Variants in SEC14L6 observed in about 807,000 individuals in gnomAD.
SEC14L6 encodes the protein SEC14 like lipid binding 6.
In SEC14L6, 40 loss-of-function variants were observed where a neutral mutation model predicts 54.1. The ratio of observed to expected loss-of-function variants is 0.74; its 90% CI spans 0.57 to 0.96. SEC14L6 has a LOEUF of 0.96. Among genes scored for constraint, SEC14L6 ranks in the 40% least tolerant of loss-of-function variants. The pLI is 0.00. For missense variants in SEC14L6, 471 were observed against 498.3 expected, an observed-to-expected ratio of 0.95 and a Z score of 0.52; for synonymous variants, 171 against 198.4, an observed-to-expected ratio of 0.86 and a Z score of 1.16.
Position 30,532,675 on chromosome 22 carries a change from G to C in SEC14L6, c.273C>G (p.His91Gln), listed in dbSNP as rs761508538. ...ACCAGACAGGGCTGCCCTCACCGTC[G>C]TGGCCGCATATGCCGTTAGCGTTGT... ...RLYNANGICG[H>Q]DGEGSPVWYH... The change falls in exon 5 of 12, where the codon CAC (histidine) becomes CAG (glutamine). Residue 91 changes from histidine to glutamine, a missense_variant. Transcript: ENST00000402034. The C allele has an allele frequency of 1.3e-6, 2 of 1,552,820 alleles. No homozygotes were observed. Among genetic ancestry groups the C allele is most frequent in the East Asian group, 4.9e-5 (2 of 41,046 alleles).
At chr22:30,533,084 A>T (rs1937037616) in intron 3 of SEC14L6, 1 of 985,186 alleles carries the variant, frequency 1.0e-6, no homozygotes, top group Non-Finnish European at 1.2e-6. Flanking sequence ...GGAGGCCTGC[A>T]CTCTGCAGCT....
At chr22:30,540,367 C>CTTTTTTTTTTTTTTT (rs753718105) in intron 1 of SEC14L6, among the ~76,000 whole-genome samples, 12 of 114,036 alleles carry the variant, frequency 1.1e-4, no homozygotes, top group Middle Eastern at 4.8e-3. Context: ...CTTTTTGTTC[C>CTTTTTTTTTTTTTTT]TTTTTTTTTT....
rs192320304 is a variant in SEC14L6, at chr22:30,539,129, C to T, written c.55-227G>A. Among the ~76,000 whole-genome samples the T allele has an allele frequency of 6.7e-3, 1,021 of 152,308 alleles. 10 individuals carry two copies. The highest frequency in any genetic ancestry group is 0.031 in the Middle Eastern group (9 of 294). On this transcript the variant is annotated intron_variant, in intron 1 of 11. Transcript: ENST00000402034. ...CGGTGGCTCACGCCTGTAATCCCAG[C>T]ACTTTGGGAGGCAGAGGTGGGAGGA...
intron 1 of SEC14L6, chr22:30,542,737 A>C: frequency 6.3e-7 from 1 of 1,576,328 alleles, no homozygotes. Flanking sequence ...TCTGCAGTGC[A>C]CTGTGACCTC....
chr22:30,546,711 TC>T lies in SEC14L6; in HGVS notation c.-30del. On this transcript the variant is annotated 5_prime_UTR_variant, in exon 1 of 12. Coordinates refer to ENST00000402034, the MANE Select transcript of SEC14L6 (RefSeq NM_001193336.4). ...GCCCATGAATGGGTCCAGGCTCCAC[TC>T]TGTGGCTCCCTCCAGGTGGCCTGCC... 6.5e-7 allele frequency: 1 copy of T among 1,545,498 alleles called. No homozygotes were observed. Among genetic ancestry groups the T allele is most frequent in the Non-Finnish European group, 8.7e-7 (1 of 1,143,316 alleles).
chr22:30,531,436 A>G (rs1936968252), intron 6 of SEC14L6, among the ~76,000 whole-genome samples: 1 of 150,760 alleles, frequency 6.6e-6, no homozygotes, highest in African/African-American at 2.4e-5. Context: ...AAAAGAAAAA[A>G]AAAACGGGCC....
chr22:30,527,790 AT>A (rs965583742), intron 8 of SEC14L6, among the ~76,000 whole-genome samples: 62 of 150,774 alleles, frequency 4.1e-4, no homozygotes, highest in African/African-American at 1.4e-3. Flanking sequence ...CATTTCTAGG[AT>A]TTTATCCTAT....
At chr22:30,530,018 T>C (rs898822373) in intron 6 of SEC14L6, among the ~76,000 whole-genome samples, 3 of 152,194 alleles carry the variant, frequency 2.0e-5, no homozygotes, top group African/African-American at 7.2e-5. Context: ...GTCTACACTG[T>C]ATGAAAGGAT....
chr22:30,541,258 C>T (rs539464195), intron 1 of SEC14L6, among the ~76,000 whole-genome samples: 35 of 152,150 alleles, frequency 2.3e-4, no homozygotes, highest in Non-Finnish European at 4.9e-4. Context: ...CTAAGAAACA[C>T]AACTTCTAAA....
intron 6 of SEC14L6, among the ~76,000 whole-genome samples, chr22:30,530,129 T>C (rs1284508086): frequency 6.6e-6 from 1 of 152,020 alleles, no homozygotes; most frequent in Non-Finnish European, 1.5e-5. Context: ...TGAGATATTG[T>C]CCGGGCGTGG....
chr22:30,526,557 T>C (rs5753179), intron 8 of SEC14L6, among the ~76,000 whole-genome samples: 56,121 of 151,936 alleles, frequency 0.37, 10,820 homozygotes, highest in African/African-American at 0.47. Flanking sequence ...AAAAGCCCCC[T>C]AATTTGGCAT....
intron 2 of SEC14L6, among the ~76,000 whole-genome samples, chr22:30,534,262 G>A (rs1005412329): frequency 6.6e-6 from 1 of 152,166 alleles, no homozygotes; most frequent in African/African-American, 2.4e-5. Context: ...GTGGGCCTTG[G>A]GGCCCTTTTC....
At chr22:30,538,348 A>AG (rs35445021) in intron 2 of SEC14L6, among the ~76,000 whole-genome samples, 275 of 147,974 alleles carry the variant, frequency 1.9e-3, no homozygotes, top group Middle Eastern at 3.5e-3. Context: ...AAAAAAAAAA[A>AG]AAAGAAAGAA....
At chr22:30,544,043 CCTT>C in intron 1 of SEC14L6, 4 of 1,548,720 alleles carry the variant, frequency 2.6e-6, no homozygotes, top group Non-Finnish European at 3.6e-6. Flanking sequence ...CCCGAGCTGT[CCTT>C]CTCAGAGTAT....
chr22:30,539,248 G>A lies in SEC14L6; in HGVS notation c.55-346C>T, dbSNP rs576281460. Among the ~76,000 whole-genome samples the A allele has an allele frequency of 4.6e-5, 7 of 152,130 alleles. No individual in the cohort carries two copies. In the East Asian group the frequency reaches 1.4e-3, roughly 29 times the overall value. On this transcript the variant is annotated intron_variant, in intron 1 of 11. Transcript: ENST00000402034. ...AAAAATTAGCCGGGCGTGGTGGCAG[G>A]TGCCTGTAATCCCAGCTACTCAGGA...
intron 2 of SEC14L6, among the ~76,000 whole-genome samples, chr22:30,535,037 GA>G (rs10652799): frequency 6.7e-6 from 1 of 148,406 alleles, no homozygotes; most frequent in East Asian, 2.0e-4. Context: ...CCTATAAAAA[GA>G]AAAAAAAAAG....
rs1167884993 is a variant in SEC14L6 at position 30,546,652 on chromosome 22, A to G, written c.31T>C (p.Ser11Pro). The change falls in exon 1 of 12, where the codon TCG becomes CCG. Residue 11 changes from serine to proline, a missense_variant. Transcript: ENST00000402034. ...ACCTGGGCCAGCGACTTCTCCTGCG[A>G]TGGGCTCAGGTCACCCACTTGTCCA... MSGQVGDLSP[S>P]QEKSLAQFRE... 1 of 1,550,462 alleles carries G rather than the reference A, an allele frequency of 6.4e-7. No homozygotes were observed. The highest frequency in any genetic ancestry group is 8.7e-7 in the Non-Finnish European group (1 of 1,146,928).
rs534552746 is a variant in SEC14L6 at position 30,533,829 on chromosome 22, C to T, written c.174+167G>A. On this transcript the variant is annotated intron_variant, in intron 3 of 11. Transcript: ENST00000402034. Reference sequence around the variant, plus strand: ...GGTTTCTTTTTCTCTCTTCCCATCACGGCAGTCTCCCCAGCGCCTAGCACC... The same window carrying T: ...GGTTTCTTTTTCTCTCTTCCCATCATGGCAGTCTCCCCAGCGCCTAGCACC... 2.1e-4 allele frequency among the ~76,000 whole-genome samples: 32 copies of T among 152,284 alleles called. No individual in the cohort carries two copies. In the East Asian group the frequency reaches 5.2e-3, roughly 25 times the overall value.
intron 1 of SEC14L6, 101 bp from the exon 2 acceptor site, chr22:30,539,003 C>T: frequency 1.3e-6 from 1 of 774,818 alleles, no homozygotes; most frequent in South Asian, 1.6e-5. Context: ...TGAAGAGGTC[C>T]CACTCGGGCT....
Sources: allele counts gnomAD v4.1 joint callset (sites outside exome capture counted in the v4.1 genomes callset), GRCh38; gene constraint gnomAD v4.1.1; transcripts MANE v1.5; gene names NCBI Gene and HGNC (gene_info 2026-07-23, HGNC 2026-07-21).